The following HIVEP1 variants were observed in gnomAD, a reference collection of about 807,000 sequenced individuals.
HIVEP1 encodes zinc finger protein 40.
A neutral mutation model predicts 180.0 loss-of-function variants in HIVEP1; 36 were observed. The observed-to-expected ratio is 0.20, with a 90% confidence interval of 0.15 to 0.26. The LOEUF is 0.26. Ranked by LOEUF, HIVEP1 falls within the 10% of genes least tolerant of loss-of-function variation. HIVEP1 has a pLI of 1.00. For missense variants in HIVEP1, 3,143 were observed against 3,268.7 expected, an observed-to-expected ratio of 0.96 and a Z score of 0.94; for synonymous variants, 1,239 against 1,239.0, an observed-to-expected ratio of 1.00 and a Z score of 0.00.
At chr6:12,067,158 AG>A (rs1222317160) in intron 2 of HIVEP1, among the ~76,000 whole-genome samples, 20 of 152,132 alleles carry the variant, frequency 1.3e-4, no homozygotes, top group African/African-American at 4.6e-4. Context: ...TTAGGGTTTA[AG>A]TTTAATTAAA....
At chr6:12,133,036 G>A (rs896070002) in intron 6 of HIVEP1, among the ~76,000 whole-genome samples, 7 of 151,968 alleles carry the variant, frequency 4.6e-5, no homozygotes, top group South Asian at 2.1e-4. Flanking sequence ...TGAAAGTGTC[G>A]GGTTACTAAC....
At chr6:12,073,223 C>G (rs1406475559) in intron 2 of HIVEP1, among the ~76,000 whole-genome samples, 2 of 152,190 alleles carry the variant, frequency 1.3e-5, no homozygotes, top group Admixed American at 6.5e-5. Flanking sequence ...TGCTTGGCTA[C>G]TCTATCCCTG....
intron 2 of HIVEP1, among the ~76,000 whole-genome samples, chr6:12,032,227 G>A (rs996518099): frequency 6.8e-6 from 1 of 147,162 alleles, no homozygotes; most frequent in African/African-American, 2.5e-5. Flanking sequence ...TGCAAGCTCT[G>A]CTTCCCGGTT....
chr6:12,064,456 G>A (rs559488173), intron 2 of HIVEP1, among the ~76,000 whole-genome samples: 8 of 152,260 alleles, frequency 5.3e-5, no homozygotes, highest in African/African-American at 1.9e-4. Context: ...AATTGTAATT[G>A]CAACTTAAAT....
At chr6:12,181,566 A>G in the HIVEP1 span, among the ~76,000 whole-genome samples, 1 of 151,912 alleles carries the variant, frequency 6.6e-6, no homozygotes, top group Non-Finnish European at 1.5e-5. Flanking sequence ...GCATGCCACC[A>G]TGCCAGGTGT....
intron 3 of HIVEP1, among the ~76,000 whole-genome samples, chr6:12,113,115 T>C (rs1431568164): frequency 6.6e-6 from 1 of 151,464 alleles, no homozygotes; most frequent in Non-Finnish European, 1.5e-5. Context: ...TGCGGGCCCA[T>C]GTTAAAGAGC....
chr6:12,107,556 T>C lies in HIVEP1; in HGVS notation c.95-12334T>C, dbSNP rs573318342. Reference sequence around the variant, plus strand: ...GTGAGTGTTACAGTTCTTAAAGGCATGTGTCCACAGTTTGTTCCTTCTGAT... The same window carrying C: ...GTGAGTGTTACAGTTCTTAAAGGCACGTGTCCACAGTTTGTTCCTTCTGAT... On this transcript the variant is annotated intron_variant, in intron 3 of 8. Transcript: ENST00000379388. Among the ~76,000 whole-genome samples the C allele has an allele frequency of 4.6e-5, 7 of 152,256 alleles. No individual in the cohort carries two copies. In the South Asian group the frequency reaches 1.0e-3, roughly 23 times the overall value.
intron 3 of HIVEP1, among the ~76,000 whole-genome samples, chr6:12,091,981 T>A (rs1289936475): frequency 6.6e-6 from 1 of 152,208 alleles, no homozygotes; most frequent in Non-Finnish European, 1.5e-5. Flanking sequence ...TTTTATGGCT[T>A]TCTCAAGCTT....
intron 3 of HIVEP1, among the ~76,000 whole-genome samples, chr6:12,111,451 A>C (rs1774883615): frequency 6.6e-6 from 1 of 152,238 alleles, no homozygotes. Flanking sequence ...CCTGGCTATA[A>C]TGATGATGTC....
the HIVEP1 span, among the ~76,000 whole-genome samples, chr6:12,196,467 C>A: frequency 6.6e-6 from 1 of 152,200 alleles, no homozygotes; most frequent in South Asian, 2.1e-4. Flanking sequence ...TTCTCGTTGG[C>A]ATGCATTCAA....
chr6:12,013,941 G>A (rs1767570190), intron 1 of HIVEP1, among the ~76,000 whole-genome samples: 1 of 152,118 alleles, frequency 6.6e-6, no homozygotes, highest in Non-Finnish European at 1.5e-5. Flanking sequence ...TTTACCTTCT[G>A]TTTCTTTGCT....
downstream of HIVEP1, among the ~76,000 whole-genome samples, chr6:12,168,220 ATATAT>A (rs79280060): frequency 0.059 from 4,073 of 68,600 alleles, 403 homozygotes; most frequent in African/African-American, 0.16. Context: ...ACATATATAC[ATATAT>A]TATATACATA....
In HIVEP1 at chr6:12,129,865, C is replaced by G. The variant is rs1361404052; in HGVS notation, c.6182C>G (p.Pro2061Arg). Residue 2061 changes from proline (P) to arginine (R), a missense_variant, in exon 5 of 9, where the codon CCA (proline) becomes CGA (arginine). This residue lies in a region of HIVEP1 where 1,357 missense variants were observed against 1,260.5 expected (regional missense o/e 1.08). Transcript: ENST00000379388. ...GAAAATTCCTTAATCAAAAGTGAAC[C>G]AAGAAGAATTAAAATATTTGATGGA... ...DKENSLIKSEPRRIKIFDGGY... is the reference protein window; with the variant it reads ...DKENSLIKSERRRIKIFDGGY... 2.6e-6 allele frequency: 4 copies of G among 1,566,036 alleles called. No homozygotes were observed. The highest frequency in any genetic ancestry group is 3.5e-6 in the Non-Finnish European group (4 of 1,141,386).
At chr6:12,118,684 A>AT (rs200881108) in intron 3 of HIVEP1, among the ~76,000 whole-genome samples, 1,664 of 152,132 alleles carry the variant, frequency 0.011, 36 homozygotes, top group African/African-American at 0.038. Flanking sequence ...TAAAGTGGTG[A>AT]TTTTTTTTAA....
the HIVEP1 span, among the ~76,000 whole-genome samples, chr6:12,177,546 G>A: frequency 3.3e-5 from 5 of 152,268 alleles, no homozygotes; most frequent in African/African-American, 1.2e-4. Flanking sequence ...TTATGTAGGT[G>A]TTTAGTAAAG....
At chr6:12,037,877 C>CTT (rs754239009) in intron 2 of HIVEP1, 48 of 333,752 alleles carry the variant, frequency 1.4e-4, no homozygotes, top group South Asian at 2.7e-4. Context: ...TGCCTAGCTA[C>CTT]TTTTTTTTTT....
At chr6:12,203,190 A>G in the HIVEP1 span, among the ~76,000 whole-genome samples, 2 of 152,234 alleles carry the variant, frequency 1.3e-5, no homozygotes, top group African/African-American at 4.8e-5. Flanking sequence ...CCCTGAAAAC[A>G]GCACTGTGGC....
chr6:12,010,468 A>G (rs1163308273), upstream of HIVEP1, among the ~76,000 whole-genome samples: 1 of 152,234 alleles, frequency 6.6e-6, no homozygotes, highest in Non-Finnish European at 1.5e-5. Flanking sequence ...CTCCAGCAGG[A>G]AAAACCTAGA....
chr6:12,059,061 C>T (rs2113745781), intron 2 of HIVEP1, among the ~76,000 whole-genome samples: 1 of 152,162 alleles, frequency 6.6e-6, no homozygotes, highest in South Asian at 2.1e-4. Flanking sequence ...AAGCAATTCT[C>T]CTGCCTTAGC....
Sources: gnomAD v4.1 joint callset for allele counts (sites outside exome capture counted in the v4.1 genomes callset) on GRCh38, gnomAD v4.1.1 for gene constraint, gnomAD v4.1.1 regional missense constraint, MANE v1.5 for transcripts, NCBI Gene and HGNC (gene_info 2026-07-23, HGNC 2026-07-21) for gene names.